Variants in TBC1D23 observed in about 807,000 individuals in gnomAD.
TBC1D23 encodes HCV non-structural protein 4A-transactivated protein 1.
A neutral mutation model predicts 91.4 loss-of-function variants in TBC1D23; 55 were observed. The observed-to-expected ratio is 0.60, with a 90% CI of 0.48 to 0.75. The LOEUF (loss-of-function observed/expected upper bound fraction) is 0.75, where lower values mean the gene tolerates loss of function less well. Ranked by LOEUF, TBC1D23 falls within the 30% of genes least tolerant of loss-of-function variation. The pLI, the probability that TBC1D23 is intolerant of heterozygous loss-of-function variation, is 0.00. For synonymous variants in TBC1D23, 289 were observed against 281.0 expected, an observed-to-expected ratio of 1.03 and a Z score of -0.28; for missense variants, 725 against 836.1, an observed-to-expected ratio of 0.87 and a Z score of 1.64.
At chr3:100,310,684 T>A in intron 14 of TBC1D23, 142 bp downstream of exon 14, 1 of 634,900 alleles carries the variant, frequency 1.6e-6, no homozygotes, top group Non-Finnish European at 2.5e-6. Context: ...GATTTCATAG[T>A]TTTCATTAGA....
chr3:100,286,319 AG>A (rs2067741518), intron 4 of TBC1D23, among the ~76,000 whole-genome samples: 1 of 152,200 alleles, frequency 6.6e-6, no homozygotes, highest in Admixed American at 6.5e-5. Context: ...GATGGTAGTT[AG>A]GAACAGTGGG....
At chr3:100,311,519 T>G (rs1705624217) in intron 14 of TBC1D23, among the ~76,000 whole-genome samples, 1 of 152,196 alleles carries the variant, frequency 6.6e-6, no homozygotes, top group African/African-American at 2.4e-5. Context: ...AAGCTAACCC[T>G]TTTACCTTTT....
chr3:100,261,516 G>C (rs1478130734), intron 1 of TBC1D23: 1 of 160,648 alleles, frequency 6.2e-6, no homozygotes, highest in African/African-American at 2.4e-5. Context: ...TTCAGAGGTT[G>C]ACCCGAGGAG....
chr3:100,283,971 A>G, intron 4 of TBC1D23, 160 bp downstream of exon 4: 1 of 543,102 alleles, frequency 1.8e-6, no homozygotes, highest in Non-Finnish European at 3.2e-6. Flanking sequence ...GTGGTTATAA[A>G]CATTTTTTAA....
chr3:100,317,189 A>G (rs1054937753), intron 16 of TBC1D23, among the ~76,000 whole-genome samples: 31 of 152,202 alleles, frequency 2.0e-4, no homozygotes, highest in African/African-American at 7.2e-4. Context: ...GAGTTAGGTA[A>G]GCAGTCATAA....
intron 2 of TBC1D23, 134 bp from the exon 3 acceptor site, chr3:100,281,608 T>G: frequency 1.9e-6 from 1 of 522,732 alleles, no homozygotes; most frequent in Non-Finnish European, 3.4e-6. Context: ...ATACTCAACA[T>G]TTGGTGGAGT....
chr3:100,320,906 T>C lies in TBC1D23; in HGVS notation c.1953T>C (p.Pro651=), dbSNP rs776438457. The part of the protein sequence containing the change: ...VVKITSKKKH[P]ELITFKYGNS... The stretch of plus-strand genomic sequence containing the variant: ...AAATTACATCCAAAAAAAAACATCC[T>C]GAACTCATTACCTTCAAGTATGGAA... Residue 651 remains proline, a synonymous_variant, in exon 18 of 19, where the codon CCT becomes CCC. Coordinates refer to ENST00000394144, the MANE Select transcript of TBC1D23 (RefSeq NM_001199198.3). The C allele has an allele frequency of 1.2e-6, 2 of 1,612,832 alleles. No homozygotes were observed. The highest frequency in any genetic ancestry group is 3.3e-5 in the Admixed American group (2 of 59,930).
intron 1 of TBC1D23, among the ~76,000 whole-genome samples, chr3:100,262,681 A>G (rs1171818834): frequency 7.9e-6 from 1 of 127,254 alleles, no homozygotes; most frequent in African/African-American, 2.9e-5. Context: ...GCCGAGATCG[A>G]GCCACTACTG....
At chr3:100,314,961 G>A (rs1705707672) in intron 15 of TBC1D23, among the ~76,000 whole-genome samples, 1 of 151,952 alleles carries the variant, frequency 6.6e-6, no homozygotes, top group Non-Finnish European at 1.5e-5. Flanking sequence ...GTAAAACAAT[G>A]CTTTTCCCCT....
intron 1 of TBC1D23, among the ~76,000 whole-genome samples, chr3:100,269,844 C>T (rs2067586828): frequency 6.6e-6 from 1 of 152,158 alleles, no homozygotes; most frequent in Non-Finnish European, 1.5e-5. Flanking sequence ...AGCCATGAAA[C>T]CACAATTCAA....
chr3:100,312,470 ATTACT>A (rs991135273), intron 15 of TBC1D23, among the ~76,000 whole-genome samples: 6 of 152,114 alleles, frequency 3.9e-5, no homozygotes, highest in African/African-American at 9.7e-5. Context: ...TAGGTAGTTG[ATTACT>A]TTAATGTATA....
chr3:100,296,264 T>G lies in TBC1D23; in HGVS notation c.865T>G (p.Ser289Ala), dbSNP rs1329523637. The change falls in exon 8 of 19, where the codon TCT (serine) becomes GCT (alanine). Residue 289 changes from serine (S) to alanine (A), a missense_variant. Physicochemically the swap from Ser to Ala is moderately conservative, Grantham distance 99. Coordinates refer to ENST00000394144, the MANE Select transcript of TBC1D23 (RefSeq NM_001199198.3). ...AQYYCSKTPA[S>A]FRKDNHHLFG... ...GTATTATTGCAGCAAAACACCGGCT[T>G]CTTTTAGGAAGGTATAAGACCAGAA... is the stretch of plus-strand genomic sequence containing the variant. The G allele has an allele frequency of 1.9e-6, 3 of 1,595,082 alleles. No individual in the cohort carries two copies. Among genetic ancestry groups the G allele is most frequent in the East Asian group, 4.5e-5 (2 of 44,626 alleles).
intron 1 of TBC1D23, chr3:100,261,386 C>CT (rs2148846104): frequency 4.8e-6 from 2 of 412,976 alleles, no homozygotes; most frequent in East Asian, 8.8e-5. Flanking sequence ...GGCCGGAGTC[C>CT]TGGCTGTGGG....
chr3:100,276,858 C>G (rs1213826665), intron 1 of TBC1D23, among the ~76,000 whole-genome samples: 2 of 152,172 alleles, frequency 1.3e-5, no homozygotes, highest in Non-Finnish European at 2.9e-5. Context: ...TCCTTCCCAC[C>G]TCAGAACCAT....
chr3:100,272,342 A>G (rs1576158561), intron 1 of TBC1D23, among the ~76,000 whole-genome samples: 1 of 152,372 alleles, frequency 6.6e-6, no homozygotes, highest in South Asian at 2.1e-4. Context: ...GAGAAGTAAT[A>G]TGTTTGAGAA....
chr3:100,321,042 A>C (rs1340452563), intron 18 of TBC1D23, 71 bp downstream of exon 18: 4 of 1,183,628 alleles, frequency 3.4e-6, no homozygotes, highest in Non-Finnish European at 4.7e-6. Flanking sequence ...CACTATAAAG[A>C]GTTTGTTTCT....
chr3:100,290,468 C>A, intron 4 of TBC1D23, 110 bp from the exon 5 acceptor site: 1 of 933,088 alleles, frequency 1.1e-6, no homozygotes, highest in Non-Finnish European at 1.7e-6. Context: ...CTGCTACTGT[C>A]AGGTAGGCTT....
intron 13 of TBC1D23, 85 bp from the exon 14 acceptor site, chr3:100,310,318 C>G: frequency 8.4e-7 from 1 of 1,196,682 alleles, no homozygotes; most frequent in African/African-American, 1.5e-5. Context: ...GATTGCAATT[C>G]AGTCTATAAC....
chr3:100,279,137 AAGAAC>A (rs2067674667), intron 1 of TBC1D23, among the ~76,000 whole-genome samples: 1 of 152,160 alleles, frequency 6.6e-6, no homozygotes, highest in African/African-American at 2.4e-5. Flanking sequence ...AAACACCTAA[AAGAAC>A]AGTAACTTTT....
Sources: gnomAD v4.1 joint callset for allele counts (sites outside exome capture counted in the v4.1 genomes callset) on GRCh38, gnomAD v4.1.1 for gene constraint, MANE v1.5 for transcripts, NCBI Gene and HGNC (gene_info 2026-07-23, HGNC 2026-07-21) for gene names.